Variants in IDE observed in about 807,000 individuals in gnomAD.
The protein encoded by IDE is insulin degrading enzyme.
In IDE, 58 loss-of-function variants were observed where a neutral mutation model predicts 133.2. That is an observed-to-expected ratio of 0.44 (90% CI 0.35 to 0.54). The LOEUF (loss-of-function observed/expected upper bound fraction) is 0.54. Among genes scored for constraint, IDE ranks in the 20% least tolerant of loss-of-function variants. The probability of loss-of-function intolerance (pLI) is 0.00; values close to 1 mark genes in which losing one functional copy is unlikely to be tolerated. For missense variants in IDE, 981 were observed against 1,234.0 expected, an observed-to-expected ratio of 0.79 and a Z score of 3.07; for synonymous variants, 396 against 421.3, an observed-to-expected ratio of 0.94 and a Z score of 0.73.
At chr10:92,557,908 T>A (rs1026555820) in intron 1 of IDE, among the ~76,000 whole-genome samples, 1 of 145,934 alleles carries the variant, frequency 6.9e-6, no homozygotes, top group Non-Finnish European at 1.5e-5. Flanking sequence ...GCAAAACAAT[T>A]CAATGAGGAA....
intron 16 of IDE, 60 bp from the exon 17 acceptor site, chr10:92,475,021 T>C: frequency 1.5e-6 from 2 of 1,347,814 alleles, no homozygotes; most frequent in Non-Finnish European, 2.1e-6. Context: ...ATTTCAAAAG[T>C]CCAGTTATAA....
At chr10:92,527,789 G>C (rs1360101681) in intron 4 of IDE, among the ~76,000 whole-genome samples, 1 of 152,190 alleles carries the variant, frequency 6.6e-6, no homozygotes, top group African/African-American at 2.4e-5. Flanking sequence ...GGCCAAGGCG[G>C]GTGGATCACG....
intron 15 of IDE, 63 bp downstream of exon 15, chr10:92,479,214 G>A: frequency 8.4e-7 from 1 of 1,184,680 alleles, no homozygotes; most frequent in Non-Finnish European, 1.2e-6. Flanking sequence ...ATCAAAAAAT[G>A]CTTCCATCAA....
At chr10:92,466,692 A>C (rs1845708670) in intron 19 of IDE, among the ~76,000 whole-genome samples, 1 of 149,732 alleles carries the variant, frequency 6.7e-6, no homozygotes, top group Non-Finnish European at 1.5e-5. Context: ...ATCTCGGCTC[A>C]CTGCAACCTC....
intron 17 of IDE, among the ~76,000 whole-genome samples, chr10:92,473,703 G>A (rs1278037708): frequency 1.3e-5 from 2 of 152,116 alleles, no homozygotes; most frequent in Non-Finnish European, 2.9e-5. Flanking sequence ...AATATTGGCC[G>A]GTCGCGGTGG....
chr10:92,567,029 T>C (rs12253172), intron 1 of IDE, among the ~76,000 whole-genome samples: 3,042 of 152,230 alleles, frequency 0.02, 107 homozygotes, highest in African/African-American at 0.067. Flanking sequence ...GATCTTTCAA[T>C]TGAACTAGTC....
intron 1 of IDE, among the ~76,000 whole-genome samples, chr10:92,569,852 G>A (rs1042347345): frequency 6.6e-6 from 1 of 152,352 alleles, no homozygotes; most frequent in Admixed American, 6.5e-5. Flanking sequence ...GCTCACGCCT[G>A]TAATCCGAGC....
rs1846166434 is a variant in IDE, at chr10:92,474,932, A to C, written c.2025T>G (p.Ala675=). 1 of 1,613,088 alleles carries C rather than the reference A, an allele frequency of 6.2e-7. No individual in the cohort carries two copies. Among genetic ancestry groups the C allele is most frequent in the Non-Finnish European group, 8.5e-7 (1 of 1,179,356 alleles). The change falls in exon 17 of 25, where the codon GCT becomes GCG. Residue 675 remains alanine, a synonymous_variant. Transcript: ENST00000265986. ...ACATGGCATGCTGGTGAGGCTGTTC[A>C]GCCCGGAAATTGTTAAGAGATCGCA... ...AYMRSLNNFR[A]EQPHQHAMYY...
chr10:92,479,502 T>C (rs760691628), intron 14 of IDE, 81 bp from the exon 15 acceptor site: 48 of 1,021,792 alleles, frequency 4.7e-5, no homozygotes, highest in Non-Finnish European at 6.9e-5. Context: ...GATCAAGATA[T>C]TGAACACCGG....
intron 12 of IDE, among the ~76,000 whole-genome samples, chr10:92,487,811 CT>C (rs777971600): frequency 2.0e-5 from 3 of 151,770 alleles, no homozygotes; most frequent in Non-Finnish European, 4.4e-5. Context: ...TCTTTTTTTT[CT>C]TCCTGAGACA....
At chr10:92,461,125 G>A (rs1186152248) in intron 22 of IDE, 66 bp downstream of exon 22, 11 of 784,734 alleles carry the variant, frequency 1.4e-5, no homozygotes, top group Non-Finnish European at 2.2e-5. Context: ...ACAGGTGTAG[G>A]CCGCCATACC....
intron 1 of IDE, among the ~76,000 whole-genome samples, chr10:92,571,746 G>T (rs1268953570): frequency 6.6e-6 from 1 of 152,252 alleles, no homozygotes; most frequent in Non-Finnish European, 1.5e-5. Flanking sequence ...AGCAGAGGCA[G>T]TACTTGTGTT....
At chr10:92,520,869 A>C (rs918067673) in intron 4 of IDE, among the ~76,000 whole-genome samples, 1 of 152,208 alleles carries the variant, frequency 6.6e-6, no homozygotes, top group Non-Finnish European at 1.5e-5. Flanking sequence ...CCCAGTAACG[A>C]GAAAAAAGAT....
chr10:92,458,303 ACTT>A (rs1845138016), intron 22 of IDE, among the ~76,000 whole-genome samples: 1 of 152,074 alleles, frequency 6.6e-6, no homozygotes, highest in African/African-American at 2.4e-5. Context: ...TTACTGTGGG[ACTT>A]CTTATAATTT....
chr10:92,534,386 A>G (rs1301048361), intron 3 of IDE, among the ~76,000 whole-genome samples, 192 bp downstream of exon 3: 1 of 152,222 alleles, frequency 6.6e-6, no homozygotes, highest in Admixed American at 6.5e-5. Flanking sequence ...CCTCAATAAA[A>G]TATTTTGTAG....
intron 1 of IDE, among the ~76,000 whole-genome samples, chr10:92,569,151 G>A (rs1843680479): frequency 6.6e-6 from 1 of 152,174 alleles, no homozygotes; most frequent in South Asian, 2.1e-4. Context: ...ATAAAGAAAA[G>A]ACAGAAAGGG....
intron 15 of IDE, among the ~76,000 whole-genome samples, chr10:92,477,649 G>C (rs936987226): frequency 6.6e-6 from 1 of 152,206 alleles, no homozygotes; most frequent in Non-Finnish European, 1.5e-5. Context: ...AAGGCCACTG[G>C]CCACGGCAAG....
intron 3 of IDE, among the ~76,000 whole-genome samples, chr10:92,532,154 G>C (rs1344086702): frequency 4.6e-5 from 7 of 151,558 alleles, no homozygotes; most frequent in African/African-American, 1.2e-4. Context: ...ATGATAAACA[G>C]TGAAAATTTA....
chr10:92,473,044 G>A (rs1051724252), intron 17 of IDE, among the ~76,000 whole-genome samples: 6 of 150,492 alleles, frequency 4.0e-5, no homozygotes, highest in African/African-American at 1.5e-4. Flanking sequence ...CCAGGTTCAC[G>A]ACATTCTCCT....
Sources: allele counts gnomAD v4.1 joint callset (sites outside exome capture counted in the v4.1 genomes callset), GRCh38; gene constraint gnomAD v4.1.1; transcripts MANE v1.5; gene names NCBI Gene and HGNC (gene_info 2026-07-23, HGNC 2026-07-21).